The following PEBP4 variants were observed in gnomAD, a reference collection of about 807,000 sequenced individuals.
The protein encoded by PEBP4 is phosphatidylethanolamine-binding protein 4.
A neutral mutation model predicts 23.9 loss-of-function variants in PEBP4; 22 were observed. The ratio of observed to expected loss-of-function variants is 0.92; its 90% confidence interval spans 0.66 to 1.31. PEBP4 has a LOEUF of 1.31. PEBP4 is among the 40% of genes most tolerant of loss of function. The pLI is 0.00. For synonymous variants in PEBP4, 112 were observed against 99.3 expected, an observed-to-expected ratio of 1.13 and a Z score of -0.76; for missense variants, 324 against 281.7, an observed-to-expected ratio of 1.15 and a Z score of -1.07.
At chr8:22,773,023 C>T (rs1585264682) in intron 4 of PEBP4, among the ~76,000 whole-genome samples, 1 of 148,980 alleles carries the variant, frequency 6.7e-6, no homozygotes, top group African/African-American at 2.5e-5. Flanking sequence ...GCCTTCCCCA[C>T]CCCCTACCCC....
intron 3 of PEBP4, chr8:22,884,740 A>G (rs558440888): frequency 6.6e-6 from 1 of 152,174 alleles, no homozygotes; most frequent in South Asian, 2.1e-4. Flanking sequence ...CATAAGTTCA[A>G]TTCAACATCC....
intron 3 of PEBP4, among the ~76,000 whole-genome samples, chr8:22,874,845 G>A (rs1273018770): frequency 1.3e-5 from 2 of 152,106 alleles, no homozygotes; most frequent in Non-Finnish European, 1.5e-5. Flanking sequence ...CTTAGATTCC[G>A]GGAGCAACAT....
intron 3 of PEBP4, chr8:22,880,361 C>G (rs1808222016): frequency 6.6e-6 from 1 of 152,120 alleles, no homozygotes; most frequent in African/African-American, 2.4e-5. Flanking sequence ...GCTCAAAGGG[C>G]TCTATAAATG....
At chr8:22,915,796 G>A (rs890556654) in intron 3 of PEBP4, among the ~76,000 whole-genome samples, 31 of 152,170 alleles carry the variant, frequency 2.0e-4, no homozygotes, top group East Asian at 3.8e-4. Flanking sequence ...TGGGAGCCCC[G>A]TGTCCTTCCT....
chr8:22,936,375 G>A (rs961922064), intron 1 of PEBP4, among the ~76,000 whole-genome samples: 3 of 151,986 alleles, frequency 2.0e-5, no homozygotes, highest in Admixed American at 6.6e-5. Flanking sequence ...ACAAATTCCT[G>A]GAAACATAAA....
At chr8:22,777,966 T>C (rs938410191) in intron 4 of PEBP4, among the ~76,000 whole-genome samples, 1 of 151,986 alleles carries the variant, frequency 6.6e-6, no homozygotes, top group African/African-American at 2.4e-5. Context: ...GTCATCACAC[T>C]CAGCTTTTCC....
At chr8:22,862,003 G>A (rs1807788191) in intron 3 of PEBP4, among the ~76,000 whole-genome samples, 1 of 152,180 alleles carries the variant, frequency 6.6e-6, no homozygotes, top group Non-Finnish European at 1.5e-5. Flanking sequence ...AATTTCTCCT[G>A]CATGTTTAGC....
At position 22,920,274 on chromosome 8, in the gene PEBP4, A is replaced by G. The variant is rs569811480; in HGVS notation, c.168T>C (p.Ile56=). The part of the protein sequence containing the change: ...LEVFYPELGN[I]GCKVVPDCNN... ...TACAATCAGGAACAACCTTGCAGCC[A>G]ATGTTCCCCAACTCTGGGTAGAAAA... Residue 56 remains isoleucine, a synonymous_variant, in exon 3 of 7, where the codon ATT becomes ATC. Transcript: ENST00000256404. 24 of 1,613,692 alleles carry G rather than the reference A, an allele frequency of 1.5e-5. No individual in the cohort carries two copies. The Admixed American group carries it at 3.0e-4, about 20-fold the overall frequency.
At chr8:22,717,764 A>T (rs1804444389) in intron 6 of PEBP4, among the ~76,000 whole-genome samples, 2 of 152,204 alleles carry the variant, frequency 1.3e-5, no homozygotes, top group South Asian at 4.2e-4. Context: ...CCTCTTAGGT[A>T]AGGGCACCAC....
At chr8:22,762,002 C>T (rs564987089) in intron 4 of PEBP4, among the ~76,000 whole-genome samples, 2 of 152,228 alleles carry the variant, frequency 1.3e-5, no homozygotes, top group African/African-American at 4.8e-5. Flanking sequence ...TTAGCTCCCC[C>T]ACAAGCCCCC....
At chr8:22,876,432 A>ACAGT (rs1808122555) in intron 3 of PEBP4, among the ~76,000 whole-genome samples, 1 of 152,206 alleles carries the variant, frequency 6.6e-6, no homozygotes, top group African/African-American at 2.4e-5. Flanking sequence ...CCCAGAAGAG[A>ACAGT]CAGTATCCAG....
At chr8:22,941,058 TGA>T (rs1465978618) in intron 1 of PEBP4, among the ~76,000 whole-genome samples, 3 of 151,944 alleles carry the variant, frequency 2.0e-5, no homozygotes, top group Non-Finnish European at 4.4e-5. Context: ...GTTGAGAGTT[TGA>T]GAGGTTCAGT....
chr8:22,820,020 G>C (rs1806824812), intron 3 of PEBP4, among the ~76,000 whole-genome samples: 1 of 152,208 alleles, frequency 6.6e-6, no homozygotes, highest in African/African-American at 2.4e-5. Flanking sequence ...AGAGCTTTGG[G>C]CAGTGGAGAG....
At chr8:22,745,183 G>A (rs1013163594) in intron 4 of PEBP4, among the ~76,000 whole-genome samples, 92 of 152,330 alleles carry the variant, frequency 6.0e-4, no homozygotes, top group African/African-American at 2.0e-3. Context: ...GCTCTCTCCT[G>A]GGTTATGCCC....
At chr8:22,838,281 A>G (rs1160466057) in intron 3 of PEBP4, among the ~76,000 whole-genome samples, 1 of 152,182 alleles carries the variant, frequency 6.6e-6, no homozygotes, top group Non-Finnish European at 1.5e-5. Flanking sequence ...TGCACACAGT[A>G]GGTGCTTAAG....
chr8:22,804,938 C>T (rs1030498231), intron 4 of PEBP4, among the ~76,000 whole-genome samples: 2 of 152,180 alleles, frequency 1.3e-5, no homozygotes, highest in East Asian at 1.9e-4. Context: ...GCCCTGTCCT[C>T]GCAGGGTTGC....
chr8:22,891,334 G>A (rs1405596771), intron 3 of PEBP4, among the ~76,000 whole-genome samples: 2 of 152,160 alleles, frequency 1.3e-5, no homozygotes, highest in Non-Finnish European at 2.9e-5. Flanking sequence ...AGTGGGGTGG[G>A]AGCCATGGAA....
At chr8:22,854,629 T>G (rs975309308) in intron 3 of PEBP4, among the ~76,000 whole-genome samples, 3 of 152,156 alleles carry the variant, frequency 2.0e-5, no homozygotes, top group Admixed American at 2.0e-4. Context: ...TTAGGGAATT[T>G]GAATTCTTGA....
chr8:22,823,361 A>G (rs980991298), intron 3 of PEBP4, among the ~76,000 whole-genome samples: 2 of 151,946 alleles, frequency 1.3e-5, no homozygotes, highest in African/African-American at 2.4e-5. Context: ...AAAATGAAAA[A>G]CAAGCTTTCA....
Sources: gnomAD v4.1 joint callset for allele counts (sites outside exome capture counted in the v4.1 genomes callset) on GRCh38, gnomAD v4.1.1 for gene constraint, MANE v1.5 for transcripts, NCBI Gene and HGNC (gene_info 2026-07-23, HGNC 2026-07-21) for gene names.